FAAH2: variants seen among roughly 807,000 people sequenced by gnomAD.
FAAH2 encodes fatty acid amide hydrolase 2.
FAAH2 carries 60 observed loss-of-function variants against 36.9 expected under a neutral mutation model. That is an observed-to-expected ratio of 1.63 (90% CI 1.32 to 2.02). The LOEUF (loss-of-function observed/expected upper bound fraction) is 2.02, where lower values mean the gene tolerates loss of function less well. FAAH2 is among the 30% of genes most tolerant of loss of function. The pLI is 0.00. For missense variants in FAAH2, 689 were observed against 397.5 expected, an observed-to-expected ratio of 1.73 and a Z score of -6.23; for synonymous variants, 214 against 143.8, an observed-to-expected ratio of 1.49 and a Z score of -3.49.
chrX:57,404,215 A>G (rs1038125123), intron 7 of FAAH2, among the ~76,000 whole-genome samples: 8 of 112,286 alleles, frequency 7.1e-5, no homozygotes, highest in African/African-American at 2.6e-4. Context: ...GGTCATGGAG[A>G]AAACTTTCAG....
chrX:57,266,453 C>T, the FAAH2 span, among the ~76,000 whole-genome samples: 1 of 112,661 alleles, frequency 8.9e-6, no homozygotes, highest in Non-Finnish European at 1.9e-5. Flanking sequence ...CCTACAGCCA[C>T]TCTCTGCCAG....
chrX:57,158,271 C>T, the FAAH2 span, among the ~76,000 whole-genome samples: 1 of 111,985 alleles, frequency 8.9e-6, no homozygotes, highest in African/African-American at 3.3e-5. Flanking sequence ...GGGTTGGTTC[C>T]AAGTCTTCGC....
At chrX:57,257,686 T>C in the FAAH2 span, among the ~76,000 whole-genome samples, 1 of 110,227 alleles carries the variant, frequency 9.1e-6, no homozygotes, top group Non-Finnish European at 1.9e-5. Context: ...GAACTTAAAG[T>C]ATAATTAAAA....
At chrX:57,209,612 C>G in the FAAH2 span, among the ~76,000 whole-genome samples, 4 of 111,505 alleles carry the variant, frequency 3.6e-5, no homozygotes, top group African/African-American at 1.3e-4. Flanking sequence ...GAATGAGTCT[C>G]TTTCAGAGCC....
rs1428934928 is a variant in FAAH2 at position 57,327,107 on chromosome X, T to A, written c.413-4491T>A. On this transcript the variant is annotated intron_variant, in intron 3 of 10. Transcript: ENST00000374900. ...TTCTCCTGCACTTATGAAGCTTAGT[T>A]TGGCTGTATATGAAATGCTGGGTTG... Among the ~76,000 whole-genome samples the A allele has an allele frequency of 1.9e-4, 21 of 108,068 alleles. 1 individual carries two copies. The highest frequency in any genetic ancestry group is 1.9e-5 in the Non-Finnish European group (1 of 52,257). 93.8% of individuals were successfully genotyped at this position (108,068 alleles called of 115,157 possible).
At chrX:57,261,705 G>C in the FAAH2 span, among the ~76,000 whole-genome samples, 33 of 110,272 alleles carry the variant, frequency 3.0e-4, no homozygotes, top group East Asian at 3.1e-3. Flanking sequence ...AAAAAATTGT[G>C]GGTGGTTATG....
the FAAH2 span, chrX:57,137,337 G>A: frequency 1.3e-6 from 1 of 758,657 alleles, no homozygotes; most frequent in Non-Finnish European, 1.6e-6. Context: ...TTGCAAGAGC[G>A]GGGAGGGTAG....
At chrX:57,385,788 G>C (rs1007326320) in intron 7 of FAAH2, among the ~76,000 whole-genome samples, 1 of 110,472 alleles carries the variant, frequency 9.1e-6, no homozygotes, top group Non-Finnish European at 1.9e-5. Flanking sequence ...GGCGCCTGTA[G>C]TCCCAGCTAC....
intron 8 of FAAH2, among the ~76,000 whole-genome samples, chrX:57,443,810 G>C (rs927558764): frequency 5.3e-5 from 6 of 112,189 alleles, no homozygotes; most frequent in African/African-American, 1.9e-4. Context: ...TGTCCTTTCT[G>C]TTTGTTAGTT....
At chrX:57,364,981 A>G (rs2054378475) in intron 5 of FAAH2, among the ~76,000 whole-genome samples, 1 of 111,658 alleles carries the variant, frequency 9.0e-6, no homozygotes, top group Non-Finnish European at 1.9e-5. Context: ...CATATGGTTG[A>G]GCTTAGAATA....
chrX:57,259,153 T>C, the FAAH2 span, among the ~76,000 whole-genome samples: 10 of 111,796 alleles, frequency 8.9e-5, no homozygotes, highest in African/African-American at 3.3e-4. Flanking sequence ...TGGATGGAAA[T>C]GTAAATTGGT....
At chrX:57,463,305 C>A (rs2056993337) in intron 10 of FAAH2, among the ~76,000 whole-genome samples, 1 of 110,958 alleles carries the variant, frequency 9.0e-6, no homozygotes, top group Non-Finnish European at 1.9e-5. Flanking sequence ...CTAGAAAAAA[C>A]TAATTTAAAT....
intron 10 of FAAH2, chrX:57,452,391 C>T: frequency 1.4e-6 from 1 of 716,702 alleles, no homozygotes; most frequent in Non-Finnish European, 1.7e-6. Flanking sequence ...TCACAGCATT[C>T]TTTTTCTCTG....
intron 10 of FAAH2, among the ~76,000 whole-genome samples, chrX:57,466,148 C>CTATATATATATATA (rs1346302535): frequency 1.3e-5 from 1 of 78,560 alleles, no homozygotes; most frequent in South Asian, 6.1e-4. Context: ...CTCTCTCTCT[C>CTATATATATATATA]TCTCTCTCTA....
chrX:57,145,261 G>A, the FAAH2 span, among the ~76,000 whole-genome samples: 11 of 106,804 alleles, frequency 1.0e-4, no homozygotes, highest in Non-Finnish European at 2.1e-4. Context: ...TTTGGGGGGG[G>A]GTAAGGTGGT....
chrX:57,367,499 G>T (rs1479822514), intron 5 of FAAH2, among the ~76,000 whole-genome samples: 2 of 112,311 alleles, frequency 1.8e-5, no homozygotes, highest in Non-Finnish European at 3.8e-5. Context: ...AGACCATTTA[G>T]AAGCTCTTCA....
At chrX:57,172,659 A>G in the FAAH2 span, among the ~76,000 whole-genome samples, 3 of 111,829 alleles carry the variant, frequency 2.7e-5, no homozygotes, top group Non-Finnish European at 3.8e-5. Flanking sequence ...TTGAGTGGAA[A>G]TAGCTCTCAG....
At chrX:57,444,440 T>G (rs1055803426) in intron 8 of FAAH2, among the ~76,000 whole-genome samples, 7 of 112,107 alleles carry the variant, frequency 6.2e-5, no homozygotes, top group African/African-American at 2.3e-4. Context: ...GGTGTGCCGT[T>G]TGCTAACGCC....
At chrX:57,274,080 T>C in the FAAH2 span, among the ~76,000 whole-genome samples, 2 of 111,348 alleles carry the variant, frequency 1.8e-5, no homozygotes, top group African/African-American at 3.3e-5. Flanking sequence ...ATAGGGGATA[T>C]CACCACTGAT....
Sources: gnomAD v4.1 joint callset for allele counts (sites outside exome capture counted in the v4.1 genomes callset) on GRCh38, gnomAD v4.1.1 for gene constraint, MANE v1.5 for transcripts, NCBI Gene and HGNC (gene_info 2026-07-23, HGNC 2026-07-21) for gene names.